C8orf89: variants seen among roughly 807,000 people sequenced by gnomAD.
The protein encoded by C8orf89 is chromosome 8 open reading frame 89, also known as putative uncharacterized protein C8orf89.
In C8orf89, 14 loss-of-function variants were observed where a neutral mutation model predicts 15.8. That is an observed-to-expected ratio of 0.89 (90% confidence interval 0.59 to 1.39). The LOEUF is 1.39. Ranked by LOEUF, C8orf89 falls within the 40% of genes most tolerant of loss-of-function variation. The probability of loss-of-function intolerance (pLI) is 0.00; values close to 1 mark genes in which losing one functional copy is unlikely to be tolerated. For missense variants in C8orf89, 181 were observed against 184.5 expected (o/e 0.98, Z 0.11); for synonymous variants, 55 against 62.2 (o/e 0.88, Z 0.54).
At chr8:73,253,591 T>C in intron 2 of C8orf89, among the ~76,000 whole-genome samples, 1 of 151,740 alleles carries the variant, frequency 6.6e-6, no homozygotes, top group East Asian at 1.9e-4. Flanking sequence ...TTCCATTTGT[T>C]TGTATCCTCT....
the C8orf89 span, among the ~76,000 whole-genome samples, chr8:73,275,231 C>CTTTT: frequency 2.6e-4 from 22 of 84,744 alleles, no homozygotes; most frequent in South Asian, 5.0e-4. Context: ...TGTAATAGTT[C>CTTTT]TTTTTTTTTT....
In C8orf89 at chr8:73,257,029, A is replaced by C. The variant is rs1293852687; in HGVS notation, c.225T>G (p.Thr75=). The change falls in exon 2 of 4, where the codon ACT becomes ACG. Residue 75 remains threonine (T), a synonymous_variant. Transcript: ENST00000624510. ...LQSCQKSVSS[T]PLEVPKRLPR... is the part of the protein sequence containing the mutation. ...GCAGTCTTTTAGGAACCTCTAGTGG[A>C]GTTGAACTTACACTTTTTTGGCAAC... 1 of 1,535,046 alleles carries C rather than the reference A, an allele frequency of 6.5e-7. No individual in the cohort carries two copies. Among genetic ancestry groups the C allele is most frequent in the Non-Finnish European group, 8.7e-7 (1 of 1,146,298 alleles).
chr8:73,250,340 A>G lies in C8orf89; in HGVS notation c.282-17T>C, dbSNP rs1813221081. On this transcript the variant is annotated splice_polypyrimidine_tract_variant and intron_variant, in intron 2 of 3. Coordinates refer to ENST00000624510, the MANE Select transcript of C8orf89 (RefSeq NM_001243237.3). ...TTCTTTAGCCTGAATATTATATATT[A>G]TCATAAAATTACTTACATATAAATT... The G allele has an allele frequency of 6.9e-7, 1 of 1,447,660 alleles. No individual in the cohort carries two copies. Among genetic ancestry groups the G allele is most frequent in the South Asian group, 1.3e-5 (1 of 79,828 alleles). The allele number at this position is 1,447,660 out of a possible 1,614,324, so 89.7% of individuals were successfully genotyped here.
chr8:73,267,411 G>A, the C8orf89 span, among the ~76,000 whole-genome samples: 1 of 152,146 alleles, frequency 6.6e-6, no homozygotes, highest in African/African-American at 2.4e-5. Context: ...GGGAACTGCT[G>A]TACAGCACTT....
chr8:73,259,863 T>TAAACACATATTC (rs1813490473), upstream of C8orf89, among the ~76,000 whole-genome samples: 1 of 152,210 alleles, frequency 6.6e-6, no homozygotes, highest in African/African-American at 2.4e-5. Flanking sequence ...CTTAATATAT[T>TAAACACATATTC]AAACACATAT....
intron 2 of C8orf89, 127 bp downstream of exon 2, chr8:73,256,846 T>C: frequency 1.8e-6 from 1 of 547,246 alleles, no homozygotes; most frequent in Non-Finnish European, 2.8e-6. Context: ...AATTAAATCC[T>C]TTATGTAAAA....
At chr8:73,261,684 T>C (rs1210537550), upstream of C8orf89, among the ~76,000 whole-genome samples, 1 of 152,138 alleles carries the variant, frequency 6.6e-6, no homozygotes, top group African/African-American at 2.4e-5. Context: ...GAAATGGCAG[T>C]GTTGGCAGCT....
At chr8:73,269,731 C>T in the C8orf89 span, among the ~76,000 whole-genome samples, 1 of 152,198 alleles carries the variant, frequency 6.6e-6, no homozygotes, top group Non-Finnish European at 1.5e-5. Context: ...AAACCCAGCT[C>T]CTTAGGGGCT....
the C8orf89 span, chr8:73,278,010 C>T: frequency 1.7e-6 from 1 of 573,086 alleles, no homozygotes; most frequent in South Asian, 1.6e-5. Context: ...GACCACATGC[C>T]CATGGTGAGG....
At chr8:73,243,691 A>T (rs1197146585) in intron 3 of C8orf89, among the ~76,000 whole-genome samples, 2 of 151,922 alleles carry the variant, frequency 1.3e-5, no homozygotes, top group African/African-American at 4.8e-5. Context: ...CATCATGCCC[A>T]GCTAGTTTTT....
chr8:73,284,520 T>G, the C8orf89 span, among the ~76,000 whole-genome samples: 1 of 151,902 alleles, frequency 6.6e-6, no homozygotes, highest in Non-Finnish European at 1.5e-5. Flanking sequence ...GCCCGCTCCA[T>G]CATAAGTGAA....
the C8orf89 span, among the ~76,000 whole-genome samples, chr8:73,285,221 G>A: frequency 6.6e-6 from 1 of 152,184 alleles, no homozygotes; most frequent in Non-Finnish European, 1.5e-5. Flanking sequence ...CCCCACTCCA[G>A]TTTAAGCCTG....
At chr8:73,245,064 C>T (rs1315760631) in intron 3 of C8orf89, among the ~76,000 whole-genome samples, 1 of 152,118 alleles carries the variant, frequency 6.6e-6, no homozygotes, top group African/African-American at 2.4e-5. Context: ...TACATGGAGG[C>T]AGATAAGAGA....
At chr8:73,243,613 TC>T (rs1456495812) in intron 3 of C8orf89, among the ~76,000 whole-genome samples, 6 of 152,160 alleles carry the variant, frequency 3.9e-5, no homozygotes, top group African/African-American at 1.4e-4. Context: ...CACTGCAACC[TC>T]CACTTCCCGG....
chr8:73,253,947 T>C (rs1412195579), intron 2 of C8orf89, among the ~76,000 whole-genome samples: 7 of 151,764 alleles, frequency 4.6e-5, no homozygotes, highest in Non-Finnish European at 7.4e-5. Context: ...CTAATTGCCC[T>C]GGCCAGAACT....
chr8:73,273,470 C>G, the C8orf89 span, among the ~76,000 whole-genome samples: 1 of 152,350 alleles, frequency 6.6e-6, no homozygotes, highest in Admixed American at 6.5e-5. Flanking sequence ...CCGCCTGCCA[C>G]CTTGGCCCTC....
At chr8:73,250,838 C>T (rs1260552811) in intron 2 of C8orf89, among the ~76,000 whole-genome samples, 3 of 152,018 alleles carry the variant, frequency 2.0e-5, no homozygotes, top group Admixed American at 6.6e-5. Flanking sequence ...AGGTCTCACT[C>T]GCTCCCAGGC....
chr8:73,260,317 C>T (rs189325887), upstream of C8orf89, among the ~76,000 whole-genome samples: 39 of 150,882 alleles, frequency 2.6e-4, no homozygotes, highest in East Asian at 7.5e-3. Flanking sequence ...TGTTCTCACT[C>T]ATAGGTGGGA....
intron 2 of C8orf89, among the ~76,000 whole-genome samples, chr8:73,251,121 A>G (rs915046263): frequency 1.3e-5 from 2 of 152,162 alleles, no homozygotes. Context: ...TTTACACTTT[A>G]AAAGTCAGCA....
Sources: gnomAD v4.1 joint callset for allele counts (sites outside exome capture counted in the v4.1 genomes callset) on GRCh38, gnomAD v4.1.1 for gene constraint, MANE v1.5 for transcripts, NCBI Gene and HGNC (gene_info 2026-07-23, HGNC 2026-07-21) for gene names.